Variants in ESRRG observed in about 807,000 individuals in gnomAD.
ESRRG encodes the protein estrogen-related receptor gamma.
A neutral mutation model predicts 44.0 loss-of-function variants in ESRRG; 13 were observed. That is an observed-to-expected ratio of 0.30 (90% confidence interval 0.19 to 0.47). The LOEUF is 0.47. ESRRG is among the 20% of genes least tolerant of loss of function. The probability of loss-of-function intolerance (pLI) is 1.00; values close to 1 mark genes in which losing one functional copy is unlikely to be tolerated. For synonymous variants in ESRRG, 215 were observed against 214.6 expected (o/e 1.00, Z -0.02); for missense variants, 395 against 580.6 (o/e 0.68, Z 3.29).
upstream of ESRRG, chr1:216,723,576 C>A: frequency 2.2e-6 from 1 of 460,972 alleles, no homozygotes; most frequent in Non-Finnish European, 3.9e-6. Flanking sequence ...GGAGGCTGCA[C>A]GGAGCGAGAG....
chr1:216,751,600 C>T (rs943596123), intron 2 of ESRRG, among the ~76,000 whole-genome samples: 1 of 151,928 alleles, frequency 6.6e-6, no homozygotes, highest in African/African-American at 2.4e-5. Context: ...TTTTTTCCTC[C>T]CTGCTTAGGC....
chr1:216,866,290 A>C (rs1407270298), intron 2 of ESRRG, among the ~76,000 whole-genome samples: 1 of 152,208 alleles, frequency 6.6e-6, no homozygotes, highest in Non-Finnish European at 1.5e-5. Context: ...AAGTGTTCAC[A>C]TCCAATATCA....
chr1:216,774,962 C>T (rs145655165), intron 2 of ESRRG, among the ~76,000 whole-genome samples: 158 of 150,724 alleles, frequency 1.0e-3, no homozygotes, highest in African/African-American at 3.2e-3. Flanking sequence ...CCAACATGCT[C>T]GGCTATTTTT....
chr1:217,046,420 C>A (rs750402456), intron 1 of ESRRG, among the ~76,000 whole-genome samples: 25 of 152,172 alleles, frequency 1.6e-4, no homozygotes, highest in Non-Finnish European at 3.4e-4. Flanking sequence ...GCCTAAAACC[C>A]TTTGATGGCT....
rs2059308811 is a variant in ESRRG at position 216,564,362 on chromosome 1, T to C, written c.719A>G (p.His240Arg). The part of the protein sequence containing the change: ...AKKPYNKIVS[H>R]LLVAEPEKIY... ...CTTCTCCGGTTCAGCCACCAACAAA[T>C]GTGAGACAATCTTGTTATCTGCAGG... The change falls in exon 5 of 7, where the codon CAT becomes CGT. Residue 240 changes from histidine to arginine, a missense_variant. Coordinates refer to ENST00000408911, the MANE Select transcript of ESRRG (RefSeq NM_001438.4). 3.1e-6 allele frequency: 5 copies of C among 1,609,840 alleles called. No homozygotes were observed. Among genetic ancestry groups the C allele is most frequent in the Admixed American group, 1.7e-5 (1 of 59,468 alleles).
At chr1:216,727,245 T>C (rs1177925285), upstream of ESRRG, among the ~76,000 whole-genome samples, 1 of 152,244 alleles carries the variant, frequency 6.6e-6, no homozygotes, top group Non-Finnish European at 1.5e-5. Flanking sequence ...ATAAAATCTT[T>C]GAAAAGCTGT....
At chr1:216,550,873 A>G (rs1846224) in intron 5 of ESRRG, among the ~76,000 whole-genome samples, 30,319 of 152,184 alleles carry the variant, frequency 0.2, 3,827 homozygotes, top group Non-Finnish European at 0.27. Context: ...ACAACCATGC[A>G]TATAGAGTTT....
At chr1:216,672,945 C>A (rs971538441) in intron 2 of ESRRG, among the ~76,000 whole-genome samples, 1 of 152,146 alleles carries the variant, frequency 6.6e-6, no homozygotes, top group Non-Finnish European at 1.5e-5. Flanking sequence ...TGGATGCACA[C>A]GTCCCTTAAG....
chr1:217,055,821 TC>T (rs1373401079), intron 1 of ESRRG, among the ~76,000 whole-genome samples: 17 of 152,200 alleles, frequency 1.1e-4, no homozygotes, highest in South Asian at 4.1e-4. Context: ...ACATCCACTG[TC>T]CTCTTCCCCA....
rs1271510992 is a variant in ESRRG, at chr1:216,680,898, T to G, written c.57-3407A>C. On this transcript the variant is annotated intron_variant, in intron 1 of 6. Coordinates refer to ENST00000408911, the MANE Select transcript of ESRRG (RefSeq NM_001438.4). ...AAATTCACATTAACTCTAAGAGGAA[T>G]GTAGTGAATAGGACTTTATTTCAAA... 2.0e-5 allele frequency among the ~76,000 whole-genome samples: 3 copies of G among 152,208 alleles called. No homozygotes were observed. In the East Asian group the frequency reaches 5.8e-4, roughly 29 times the overall value.
At position 216,653,365 on chromosome 1, in the gene ESRRG, C is replaced by A. The variant is rs10779270; in HGVS notation, c.473-2276G>T. ...CCTTTCCCTAGGACTGCTTTGATCA[C>A]GTCATTATGCTGATTTTAAAAAATC... On this transcript the variant is annotated intron_variant, in intron 2 of 6. Coordinates refer to ENST00000408911, the MANE Select transcript of ESRRG (RefSeq NM_001438.4). Among the ~76,000 whole-genome samples, 286 of 152,186 alleles carry A rather than the reference C, an allele frequency of 1.9e-3. 2 individuals are homozygous for A. Among genetic ancestry groups the A allele is most frequent in the African/African-American group, 6.7e-3 (279 of 41,552 alleles).
At chr1:216,905,737 T>C (rs1577957887) in intron 2 of ESRRG, among the ~76,000 whole-genome samples, 1 of 152,134 alleles carries the variant, frequency 6.6e-6, no homozygotes, top group East Asian at 1.9e-4. Context: ...GTTAAATAAA[T>C]TTATTCTTCT....
intron 1 of ESRRG, among the ~76,000 whole-genome samples, chr1:217,042,322 T>G (rs2083997759): frequency 6.6e-6 from 1 of 152,106 alleles, no homozygotes. Flanking sequence ...TCTAACCTTG[T>G]CCCAAATAAC....
intron 1 of ESRRG, among the ~76,000 whole-genome samples, chr1:216,975,739 T>G (rs2072743561): frequency 1.3e-5 from 2 of 152,180 alleles, no homozygotes; most frequent in African/African-American, 4.8e-5. Flanking sequence ...TAGAATGCCC[T>G]TTAATCAAAG....
intron 1 of ESRRG, among the ~76,000 whole-genome samples, chr1:217,049,390 T>C (rs2085485229): frequency 6.6e-6 from 1 of 152,190 alleles, no homozygotes; most frequent in African/African-American, 2.4e-5. Flanking sequence ...CTGCAAGAAA[T>C]CATTTGGTAA....
At chr1:217,010,289 C>A (rs2078381576) in intron 1 of ESRRG, among the ~76,000 whole-genome samples, 1 of 152,156 alleles carries the variant, frequency 6.6e-6, no homozygotes, top group African/African-American at 2.4e-5. Context: ...GAGCCAATTT[C>A]TGGGTCTGAA....
intron 1 of ESRRG, among the ~76,000 whole-genome samples, chr1:216,965,379 A>G (rs919696272): frequency 6.6e-6 from 1 of 152,174 alleles, no homozygotes; most frequent in African/African-American, 2.4e-5. Context: ...GGCTTCATCT[A>G]TTAATTACCA....
chr1:216,597,373 C>T (rs72737326), intron 3 of ESRRG, among the ~76,000 whole-genome samples: 22,542 of 151,882 alleles, frequency 0.15, 2,166 homozygotes, highest in Non-Finnish European at 0.21. Flanking sequence ...CTGGAGAGGT[C>T]AAAGAAGGAA....
At chr1:217,043,005 C>A (rs1558079418) in intron 1 of ESRRG, among the ~76,000 whole-genome samples, 1 of 152,134 alleles carries the variant, frequency 6.6e-6, no homozygotes, top group Non-Finnish European at 1.5e-5. Context: ...CCTTTATAAC[C>A]TCAAACATGT....
Sources: allele counts gnomAD v4.1 joint callset (sites outside exome capture counted in the v4.1 genomes callset), GRCh38; gene constraint gnomAD v4.1.1; transcripts MANE v1.5; gene names NCBI Gene and HGNC (gene_info 2026-07-23, HGNC 2026-07-21).